Variants in IRF8 observed in about 807,000 individuals in gnomAD.
IRF8 encodes interferon consensus sequence binding protein 1.
IRF8 carries 14 observed loss-of-function variants against 48.7 expected under a neutral mutation model. That is an observed-to-expected ratio of 0.29 (90% CI 0.19 to 0.45). The LOEUF (loss-of-function observed/expected upper bound fraction) is 0.45, where lower values mean the gene tolerates loss of function less well. Among genes scored for constraint, IRF8 ranks in the 20% least tolerant of loss-of-function variants. The pLI is 1.00. For synonymous variants in IRF8, 278 were observed against 227.3 expected, an observed-to-expected ratio of 1.22 and a Z score of -2.01; for missense variants, 493 against 580.7, an observed-to-expected ratio of 0.85 and a Z score of 1.55.
At chr16:85,902,540 A>C (rs573111251) in intron 1 of IRF8, 18 of 226,936 alleles carry the variant, frequency 7.9e-5, no homozygotes, top group Non-Finnish European at 8.8e-6. Flanking sequence ...CCCAGACGGC[A>C]CGGACGCAGT....
Position 85,909,190 on chromosome 16 carries a change from G to T in IRF8, c.358+17G>T, listed in dbSNP as rs1905079441. ...AGCAAAAATGTAACTATCCTTTATG[G>T]GCATGAAACCTTCCAGAAGCTGCCC... On this transcript the variant is annotated intron_variant, in intron 3 of 8. Transcript: ENST00000268638. 1.2e-6 allele frequency: 2 copies of T among 1,612,076 alleles called. No individual in the cohort carries two copies. Among genetic ancestry groups the T allele is most frequent in the Non-Finnish European group, 1.7e-6 (2 of 1,178,434 alleles).
chr16:85,920,095 C>T lies in IRF8; in HGVS notation c.989-14C>T. Reference sequence around the variant, plus strand: ...GGCCTTGCTTGCAAACACCCTCTGCCTGTGTCATTCCAGAGCTGCAGCAGT... The same window carrying T: ...GGCCTTGCTTGCAAACACCCTCTGCTTGTGTCATTCCAGAGCTGCAGCAGT... On this transcript the variant is annotated splice_polypyrimidine_tract_variant and intron_variant, in intron 7 of 8. Transcript: ENST00000268638. The T allele has an allele frequency of 1.9e-6, 3 of 1,599,036 alleles. No individual in the cohort carries two copies. The highest frequency in any genetic ancestry group is 2.6e-6 in the Non-Finnish European group (3 of 1,166,288).
chr16:85,906,509 T>C (rs1905007891), intron 2 of IRF8, among the ~76,000 whole-genome samples: 1 of 152,224 alleles, frequency 6.6e-6, no homozygotes, highest in Admixed American at 6.5e-5. Context: ...GCAAGCCAGG[T>C]ACCCGATGGT....
At position 85,921,725 on chromosome 16, in the gene IRF8, T is replaced by G. The variant is rs2143063773; in HGVS notation, c.*443T>G. On this transcript the variant is annotated 3_prime_UTR_variant, in exon 9 of 9. Transcript: ENST00000268638. ...TTGTTAGAGTTATAGATTTATGATT[T>G]CATAGGCTTGATTCTATGTGAAATA... is the stretch of plus-strand genomic sequence containing the variant. 4.6e-6 allele frequency: 1 copy of G among 219,750 alleles called. No homozygotes were observed. The highest frequency in any genetic ancestry group is 1.2e-4 in the East Asian group (1 of 8,280). 13.6% of individuals were successfully genotyped at this position (219,750 alleles called of 1,614,324 possible). A position where few individuals can be genotyped will look rare whatever the true frequency, so the allele number is the denominator to read the frequency against.
At chr16:85,907,733 G>A (rs1483166475) in intron 2 of IRF8, among the ~76,000 whole-genome samples, 1 of 152,122 alleles carries the variant, frequency 6.6e-6, no homozygotes, top group African/African-American at 2.4e-5. Flanking sequence ...GACAGCTACC[G>A]AGACCCAACC....
chr16:85,905,958 A>T (rs888431093), intron 2 of IRF8, among the ~76,000 whole-genome samples: 21 of 152,330 alleles, frequency 1.4e-4, no homozygotes, highest in African/African-American at 5.1e-4. Context: ...TTGAAAAAAC[A>T]TTGAGCTCAT....
At chr16:85,913,408 C>T (rs753307352) in intron 5 of IRF8, 172 bp downstream of exon 5, 2 of 641,560 alleles carry the variant, frequency 3.1e-6, no homozygotes, top group African/African-American at 1.8e-5. Flanking sequence ...AACATGAGGG[C>T]AGAGCCCAGC....
intron 1 of IRF8, chr16:85,902,652 T>TC (rs1404470425): frequency 6.1e-6 from 2 of 328,524 alleles, no homozygotes; most frequent in Non-Finnish European, 1.2e-5. Context: ...TAAAAGTGAT[T>TC]CCCCCTCTCC....
At chr16:85,899,569 T>C (rs1904759271) in intron 1 of IRF8, among the ~76,000 whole-genome samples, 1 of 152,142 alleles carries the variant, frequency 6.6e-6, no homozygotes, top group Admixed American at 6.5e-5. Flanking sequence ...CGCTCTATCA[T>C]CCCACTGAAA....
At chr16:85,919,038 A>G (rs181443974) in intron 7 of IRF8, among the ~76,000 whole-genome samples, 270 of 152,258 alleles carry the variant, frequency 1.8e-3, no homozygotes, top group African/African-American at 6.0e-3. Flanking sequence ...GGGGTGCAGA[A>G]TCAGTACCCT....
intron 5 of IRF8, 129 bp from the exon 6 acceptor site, chr16:85,914,344 G>A: frequency 1.0e-6 from 1 of 1,001,556 alleles, no homozygotes; most frequent in African/African-American, 1.6e-5. Flanking sequence ...GCGGAAGCCT[G>A]TGCTCCCTGG....
chr16:85,913,096 T>G, intron 4 of IRF8, 35 bp from the exon 5 acceptor site: 3 of 1,465,118 alleles, frequency 2.0e-6, no homozygotes, highest in South Asian at 1.1e-5. Context: ...GATCAGTGAC[T>G]GAGCTGCCCT....
chr16:85,913,118 C>G lies in IRF8; in HGVS notation c.448-13C>G, dbSNP rs1471377904. The G allele has an allele frequency of 6.2e-7, 1 of 1,606,362 alleles. No homozygotes were observed. Among genetic ancestry groups the G allele is most frequent in the Non-Finnish European group, 8.5e-7 (1 of 1,173,028 alleles). On this transcript the variant is annotated splice_polypyrimidine_tract_variant and intron_variant, in intron 4 of 8. Transcript: ENST00000268638. ...GACTGAGCTGCCCTCCTCTCCCTCCCCTGACTGTGCAGCCTTCTGTGGACG... is the reference window on the plus strand; with the variant it reads ...GACTGAGCTGCCCTCCTCTCCCTCCGCTGACTGTGCAGCCTTCTGTGGACG...
chr16:85,913,395 C>G (rs548646007), intron 5 of IRF8, 159 bp downstream of exon 5: 275 of 661,338 alleles, frequency 4.2e-4, no homozygotes, highest in Non-Finnish European at 6.8e-4. Context: ...GCCCTGGTTT[C>G]CCAACATGAG....
rs775730870 is a variant in IRF8, at chr16:85,918,581, G to A, written c.766G>A (p.Asp256Asn). The change falls in exon 7 of 9, where the codon GAC (aspartate) becomes AAC (asparagine). Residue 256 changes from aspartate to asparagine, a missense_variant. Asp to Asn is a conservative substitution (Grantham distance 23, BLOSUM62 1). Around this residue, in one of 3 missense-constraint regions of IRF8, gnomAD observed 408 missense variants for 449.6 expected, o/e 0.91. Coordinates refer to ENST00000268638, the MANE Select transcript of IRF8 (RefSeq NM_002163.4). ...GLELVRFPPADAIPSERQRQV... is the reference protein window; with the variant it reads ...GLELVRFPPANAIPSERQRQV... Reference sequence around the variant, plus strand: ...GGAGCTGGTGCGCTTCCCGCCGGCCGACGCCATCCCCAGCGAGCGACAGAG... The same window carrying A: ...GGAGCTGGTGCGCTTCCCGCCGGCCAACGCCATCCCCAGCGAGCGACAGAG... 1.7e-5 allele frequency: 28 copies of A among 1,605,678 alleles called. No homozygotes were observed. Among genetic ancestry groups the A allele is most frequent in the East Asian group, 8.9e-5 (4 of 44,878 alleles).
At chr16:85,920,034 C>T in intron 7 of IRF8, 75 bp from the exon 8 acceptor site, 1 of 1,098,852 alleles carries the variant, frequency 9.1e-7, no homozygotes, top group South Asian at 1.3e-5. Flanking sequence ...CTCCTGATCC[C>T]CCAGCCCTGC....
At chr16:85,901,304 C>T (rs1904819782) in intron 1 of IRF8, 1 of 152,148 alleles carries the variant, frequency 6.6e-6, no homozygotes. Context: ...TAGAGAAAAG[C>T]CTTTGCCAGA....
chr16:85,921,064 A>G (rs751189222), intron 8 of IRF8, 42 bp from the exon 9 acceptor site: 44 of 1,575,022 alleles, frequency 2.8e-5, no homozygotes, highest in Non-Finnish European at 3.7e-5. Context: ...CCCCCTTTGG[A>G]GCCTCCGCCT....
intron 8 of IRF8, among the ~76,000 whole-genome samples, chr16:85,920,741 TGTG>T (rs1271268639): frequency 6.6e-6 from 1 of 152,146 alleles, no homozygotes; most frequent in East Asian, 1.9e-4. Context: ...TCTGTGTGTG[TGTG>T]TTTTCTTTTT....
Sources: gnomAD v4.1 joint callset for allele counts (sites outside exome capture counted in the v4.1 genomes callset) on GRCh38, gnomAD v4.1.1 for gene constraint, gnomAD v4.1.1 regional missense constraint, MANE v1.5 for transcripts, NCBI Gene and HGNC (gene_info 2026-07-23, HGNC 2026-07-21) for gene names.